CDNF: variants seen among roughly 807,000 people sequenced by gnomAD.
CDNF encodes the protein ARMET-like protein 1.
CDNF carries 9 observed loss-of-function variants against 14.8 expected under a neutral mutation model. That is an observed-to-expected ratio of 0.61 (90% CI 0.37 to 1.06). The LOEUF is 1.06. Ranked by LOEUF, CDNF falls within the 50% of genes least tolerant of loss-of-function variation. The pLI, the probability that CDNF is intolerant of heterozygous loss-of-function variation, is 0.01. For missense variants in CDNF, 228 were observed against 228.4 expected (o/e 1.00, Z 0.01); for synonymous variants, 86 against 87.2 (o/e 0.99, Z 0.07).
Position 14,837,982 on chromosome 10 carries a change from C to A in CDNF, c.-36G>T, listed in dbSNP as rs1186634463. The A allele has an allele frequency of 1.4e-6, 2 of 1,448,546 alleles. No individual in the cohort carries two copies. Among genetic ancestry groups the A allele is most frequent in the Non-Finnish European group, 9.5e-7 (1 of 1,057,566 alleles). 89.7% of individuals were successfully genotyped at this position (1,448,546 alleles called of 1,614,324 possible). A position where few individuals can be genotyped will look rare whatever the true frequency, so the allele number is the denominator to read the frequency against. ...CAGCTTCAATCGCCTCCGCCACCCG[C>A]GCCCACCGCCCACCAAGCTGCCAAA... On this transcript the variant is annotated 5_prime_UTR_variant, in exon 1 of 4. Transcript: ENST00000465530.
At chr10:14,836,332 G>A (rs1445325865) in intron 1 of CDNF, 1 of 152,154 alleles carries the variant, frequency 6.6e-6, no homozygotes, top group Non-Finnish European at 1.5e-5. Context: ...AGTCAGACAT[G>A]CAATAATCAC....
At chr10:14,824,408 C>G (rs1011771962) in intron 3 of CDNF, among the ~76,000 whole-genome samples, 1 of 152,074 alleles carries the variant, frequency 6.6e-6, no homozygotes, top group African/African-American at 2.4e-5. Context: ...GAGTTCAAGA[C>G]CAGCCTGGCC....
At chr10:14,834,331 G>C (rs1161011993) in intron 1 of CDNF, 3 of 151,012 alleles carry the variant, frequency 2.0e-5, no homozygotes, top group Admixed American at 2.0e-4. Context: ...ACAGAGTGAG[G>C]CTCTGTCTCA....
At position 14,837,851 on chromosome 10, in the gene CDNF, C is replaced by A; in HGVS notation, c.96G>T (p.Arg32=). ...GCTCACCTTCACAGTCGGCCCCTGG[C>A]CGCCCCCCGGCCTCCTGGCCCTGCG... ...VLTQGQEAGG[R]PGADCEVCKE... is the part of the protein sequence containing the mutation. Residue 32 remains arginine (R), a synonymous_variant, in exon 1 of 4, where the codon CGG becomes CGT. Coordinates refer to ENST00000465530, the MANE Select transcript of CDNF (RefSeq NM_001029954.3). The A allele has an allele frequency of 6.3e-7, 1 of 1,595,990 alleles. No homozygotes were observed. The highest frequency in any genetic ancestry group is 8.5e-7 in the Non-Finnish European group (1 of 1,173,756).
rs1833908084 is a variant in CDNF at position 14,837,866 on chromosome 10, C to G, written c.81G>C (p.Gln27His). 2 of 1,604,108 alleles carry G rather than the reference C, an allele frequency of 1.2e-6. No individual in the cohort carries two copies. The highest frequency in any genetic ancestry group is 2.2e-5 in the South Asian group (2 of 89,850). The change falls in exon 1 of 4, where the codon CAG (glutamine) becomes CAC (histidine). Residue 27 changes from glutamine (Q) to histidine (H), a missense_variant. Physicochemically the swap from Gln to His is conservative, Grantham distance 24. Coordinates refer to ENST00000465530, the MANE Select transcript of CDNF (RefSeq NM_001029954.3). Reference sequence around the variant, plus strand: ...CGGCCCCTGGCCGCCCCCCGGCCTCCTGGCCCTGCGTCAGCACCGGGTGAG... The same window carrying G: ...CGGCCCCTGGCCGCCCCCCGGCCTCGTGGCCCTGCGTCAGCACCGGGTGAG... Reference protein sequence around the residue: ...LVSHPVLTQGQEAGGRPGADC... With the variant: ...LVSHPVLTQGHEAGGRPGADC...
rs751521563 is a variant in CDNF, at chr10:14,837,843, G to GCCCCTGGCCGC, written c.93_103dup (p.Ala35GlyfsTer14). On this transcript the variant is annotated frameshift_variant, in exon 1 of 4. Coordinates refer to ENST00000465530, the MANE Select transcript of CDNF (RefSeq NM_001029954.3). LOFTEE classifies it high-confidence loss of function. ...GTCACACCGCTCACCTTCACAGTCG[G>GCCCCTGGCCGC]CCCCTGGCCGCCCCCCGGCCTCCTG... 6.3e-7 allele frequency: 1 copy of GCCCCTGGCCGC among 1,588,468 alleles called. No individual in the cohort carries two copies. Among genetic ancestry groups the GCCCCTGGCCGC allele is most frequent in the Admixed American group, 1.7e-5 (1 of 57,830 alleles).
At chr10:14,824,834 A>ATAGAT (rs1180861966) in intron 3 of CDNF, among the ~76,000 whole-genome samples, 1 of 152,168 alleles carries the variant, frequency 6.6e-6, no homozygotes, top group African/African-American at 2.4e-5. Flanking sequence ...TTTTGTTTTA[A>ATAGAT]TAGATTACCA....
At chr10:14,825,175 C>T (rs1227474482) in intron 3 of CDNF, among the ~76,000 whole-genome samples, 2 of 76 alleles carry the variant, frequency 0.026, no homozygotes, top group Non-Finnish European at 0.042. Flanking sequence ...CAGGCTGGTA[C>T]TTGAACTCCT....
chr10:14,825,719 C>G, intron 2 of CDNF, 99 bp from the exon 3 acceptor site: 2 of 1,334,954 alleles, frequency 1.5e-6, no homozygotes, highest in Non-Finnish European at 2.1e-6. Flanking sequence ...AAGAGGTAGG[C>G]TGGACATGGT....
chr10:14,835,839 C>T (rs573002372), intron 1 of CDNF, among the ~76,000 whole-genome samples: 122 of 152,190 alleles, frequency 8.0e-4, no homozygotes, highest in Non-Finnish European at 1.6e-3. Flanking sequence ...CAATTTGAAT[C>T]GGGGGCAGAG....
chr10:14,833,515 A>G (rs1369282012), intron 1 of CDNF, among the ~76,000 whole-genome samples: 1 of 152,212 alleles, frequency 6.6e-6, no homozygotes, highest in Non-Finnish European at 1.5e-5. Flanking sequence ...GATAAATATT[A>G]CAGATATTAA....
intron 2 of CDNF, among the ~76,000 whole-genome samples, chr10:14,826,501 A>AAGG (rs1324511353): frequency 2.0e-5 from 3 of 149,106 alleles, no homozygotes; most frequent in Admixed American, 2.0e-4. Context: ...GAAGAAGAAG[A>AAGG]AAAAGAAGCA....
intron 1 of CDNF, among the ~76,000 whole-genome samples, chr10:14,831,294 T>C (rs78138601): frequency 0.018 from 2,682 of 152,186 alleles, 76 homozygotes; most frequent in African/African-American, 0.061. Flanking sequence ...TAAAGCCAGC[T>C]TCAGTGCTCC....
chr10:14,837,825 C>T lies in CDNF; in HGVS notation c.115+7G>A, dbSNP rs757628281. 3.9e-6 allele frequency: 6 copies of T among 1,552,944 alleles called. No homozygotes were observed. The highest frequency in any genetic ancestry group is 1.2e-5 in the South Asian group (1 of 86,552). ...GCCGCCATGCAAGCAGTTGTCACAC[C>T]GCTCACCTTCACAGTCGGCCCCTGG... is the stretch of plus-strand genomic sequence containing the variant. On this transcript the variant is annotated splice_region_variant and intron_variant, in intron 1 of 3. Transcript: ENST00000465530.
chr10:14,830,039 T>C (rs1174964207), intron 1 of CDNF, among the ~76,000 whole-genome samples: 1 of 152,178 alleles, frequency 6.6e-6, no homozygotes, highest in Non-Finnish European at 1.5e-5. Context: ...AACTTATTTG[T>C]GAAGATTGTT....
At chr10:14,835,774 G>C (rs1356421349) in intron 1 of CDNF, among the ~76,000 whole-genome samples, 1 of 152,102 alleles carries the variant, frequency 6.6e-6, no homozygotes, top group African/African-American at 2.4e-5. Flanking sequence ...CCTAATAATA[G>C]GACTCACAGA....
chr10:14,819,518 TG>T lies in CDNF; in HGVS notation c.*461del. 6.5e-6 allele frequency: 1 copy of T among 152,944 alleles called. No individual in the cohort carries two copies. The highest frequency in any genetic ancestry group is 1.9e-4 in the East Asian group (1 of 5,218). 9.5% of individuals were successfully genotyped at this position (152,944 alleles called of 1,614,324 possible). A position where few individuals can be genotyped will look rare whatever the true frequency, so the allele number is the denominator to read the frequency against. ...TACCAAAGAGAGCTACAATATAGAG[TG>T]AAAACAGAAAATTCACTTGAAAAAA... On this transcript the variant is annotated 3_prime_UTR_variant, in exon 4 of 4. Transcript: ENST00000465530.
intron 1 of CDNF, among the ~76,000 whole-genome samples, chr10:14,835,420 G>C (rs539548520): frequency 1.1e-4 from 17 of 152,072 alleles, no homozygotes; most frequent in Non-Finnish European, 2.4e-4. Flanking sequence ...ATGAAGAGAA[G>C]GCAGTCTCTG....
intron 1 of CDNF, chr10:14,836,402 GCTGT>G (rs1833886876): frequency 6.6e-6 from 1 of 152,198 alleles, no homozygotes; most frequent in South Asian, 2.1e-4. Context: ...TAATCCAGAT[GCTGT>G]CTCTCTTGAA....
Sources: gnomAD v4.1 joint callset for allele counts (sites outside exome capture counted in the v4.1 genomes callset) on GRCh38, gnomAD v4.1.1 for gene constraint, MANE v1.5 for transcripts, NCBI Gene and HGNC (gene_info 2026-07-23, HGNC 2026-07-21) for gene names.